The following CSNK1G1 variants were observed in gnomAD, a reference collection of about 807,000 sequenced individuals.
The protein encoded by CSNK1G1 is casein kinase I isoform gamma-1.
A neutral mutation model predicts 59.6 loss-of-function variants in CSNK1G1; 22 were observed. That is an observed-to-expected ratio of 0.37 (90% confidence interval 0.26 to 0.53). CSNK1G1 has a LOEUF of 0.53. Ranked by LOEUF, CSNK1G1 falls within the 20% of genes least tolerant of loss-of-function variation. CSNK1G1 has a pLI of 0.89. For synonymous variants in CSNK1G1, 179 were observed against 177.1 expected, an observed-to-expected ratio of 1.01 and a Z score of -0.08; for missense variants, 384 against 519.5, an observed-to-expected ratio of 0.74 and a Z score of 2.54.
chr15:64,313,489 C>A (rs1364595547), intron 1 of CSNK1G1, among the ~76,000 whole-genome samples: 1 of 152,106 alleles, frequency 6.6e-6, no homozygotes, highest in East Asian at 1.9e-4. Flanking sequence ...TCTCAGCAAA[C>A]TAACACAAGA....
At chr15:64,287,778 T>A (rs377408653) in intron 2 of CSNK1G1, among the ~76,000 whole-genome samples, 29 of 152,252 alleles carry the variant, frequency 1.9e-4, no homozygotes, top group East Asian at 1.5e-3. Flanking sequence ...GTTACCAGAA[T>A]ACACAAAAGT....
intron 1 of CSNK1G1, among the ~76,000 whole-genome samples, chr15:64,316,158 C>T (rs1270156636): frequency 6.6e-6 from 1 of 151,944 alleles, no homozygotes; most frequent in Non-Finnish European, 1.5e-5. Flanking sequence ...TCTCAAAGCA[C>T]TGGGATTAAA....
intron 6 of CSNK1G1, among the ~76,000 whole-genome samples, chr15:64,211,554 T>C (rs1480802890): frequency 6.6e-6 from 1 of 152,278 alleles, no homozygotes; most frequent in South Asian, 2.1e-4. Flanking sequence ...GCACAGTAGA[T>C]GCTTAAAACA....
Position 64,188,555 on chromosome 15 carries a change from A to C in CSNK1G1, c.1108-8101T>G. Reference sequence around the variant, plus strand: ...GGTGAAGCAACAGCAAGCAATAACAAAATCAAGTACATTCGTGTCCCTGTA... The same window carrying C: ...GGTGAAGCAACAGCAAGCAATAACACAATCAAGTACATTCGTGTCCCTGTA... On this transcript the variant is annotated intron_variant, in intron 10 of 11. Coordinates refer to ENST00000303052, the MANE Select transcript of CSNK1G1 (RefSeq NM_022048.5). This position sits in a 1 kb window ranked among gnomAD's most constrained non-coding sequence, Gnocchi z 4.2. 1 of 1,146,514 alleles carries C rather than the reference A, an allele frequency of 8.7e-7. No homozygotes were observed. Among genetic ancestry groups the C allele is most frequent in the Non-Finnish European group, 1.3e-6 (1 of 797,294 alleles). 71.0% of individuals were successfully genotyped at this position (1,146,514 alleles called of 1,614,324 possible).
chr15:64,230,710 C>T (rs974497700), intron 4 of CSNK1G1, among the ~76,000 whole-genome samples: 6 of 152,170 alleles, frequency 3.9e-5, no homozygotes, highest in East Asian at 1.9e-4. Context: ...CAGTGGCTCA[C>T]GCCTGTAATC....
intron 4 of CSNK1G1, among the ~76,000 whole-genome samples, chr15:64,242,715 T>C (rs963964452): frequency 3.9e-5 from 6 of 152,168 alleles, no homozygotes; most frequent in African/African-American, 1.4e-4. Context: ...AGGAGAAAAT[T>C]CTTCCAAACT....
At chr15:64,290,957 G>A (rs1235329452) in intron 2 of CSNK1G1, among the ~76,000 whole-genome samples, 4 of 152,096 alleles carry the variant, frequency 2.6e-5, no homozygotes, top group Admixed American at 6.5e-5. Context: ...CAGATGATCT[G>A]TCTGCTTTGG....
chr15:64,224,394 T>A (rs2082429439), intron 4 of CSNK1G1, among the ~76,000 whole-genome samples: 1 of 152,018 alleles, frequency 6.6e-6, no homozygotes, highest in Admixed American at 6.5e-5. Flanking sequence ...GGCAGATAAA[T>A]GAGATGTTAT....
At position 64,171,159 on chromosome 15, in the gene CSNK1G1, GTTTTTT is replaced by G. The variant is rs553594662; in HGVS notation, c.*766_*771del. 2 of 151,340 alleles carry G rather than the reference GTTTTTT, an allele frequency of 1.3e-5. No homozygotes were observed. The highest frequency in any genetic ancestry group is 4.9e-5 in the African/African-American group (2 of 40,946). 9.4% of individuals were successfully genotyped at this position (151,340 alleles called of 1,614,324 possible). On this transcript the variant is annotated 3_prime_UTR_variant, in exon 12 of 12. Coordinates refer to ENST00000303052, the MANE Select transcript of CSNK1G1 (RefSeq NM_022048.5). This position sits in a 1 kb window ranked among gnomAD's most constrained non-coding sequence, Gnocchi z 4.8. Reference sequence around the variant, plus strand: ...ATGCATCTGCCATGTTTTTGTTTTTGTTTTTTTTAAAAAAACTAAAAGTGCAACAAA... The same window carrying G: ...ATGCATCTGCCATGTTTTTGTTTTTGTTAAAAAAACTAAAAGTGCAACAAA...
chr15:64,227,067 T>C (rs2082472570), intron 4 of CSNK1G1, among the ~76,000 whole-genome samples: 1 of 152,214 alleles, frequency 6.6e-6, no homozygotes, highest in Non-Finnish European at 1.5e-5. Flanking sequence ...TTAAAATAAG[T>C]ACTAAGTAAA....
At chr15:64,278,828 C>T (rs1351715348) in intron 2 of CSNK1G1, among the ~76,000 whole-genome samples, 1 of 152,142 alleles carries the variant, frequency 6.6e-6, no homozygotes, top group Non-Finnish European at 1.5e-5. Flanking sequence ...TGCAACTACA[C>T]CCCACATCTA....
intron 2 of CSNK1G1, among the ~76,000 whole-genome samples, chr15:64,275,730 T>C (rs1479980138): frequency 6.6e-6 from 1 of 152,064 alleles, no homozygotes; most frequent in African/African-American, 2.4e-5. Flanking sequence ...TTTTAAAGAA[T>C]GTCTTGACCA....
At chr15:64,185,246 G>A (rs192489986) in intron 10 of CSNK1G1, among the ~76,000 whole-genome samples, 1 of 152,290 alleles carries the variant, frequency 6.6e-6, no homozygotes, top group Non-Finnish European at 1.5e-5. Context: ...CATGGTGTCT[G>A]CAAGTCACCC....
Position 64,216,474 on chromosome 15 carries a change from T to A in CSNK1G1, c.444+88A>T. 7.6e-7 allele frequency: 1 copy of A among 1,320,760 alleles called. No homozygotes were observed. The highest frequency in any genetic ancestry group is 1.3e-5 in the South Asian group (1 of 75,804). The allele number at this position is 1,320,760 out of a possible 1,614,324, so 81.8% of individuals were successfully genotyped here. A position where few individuals can be genotyped will look rare whatever the true frequency, so the allele number is the denominator to read the frequency against. On this transcript the variant is annotated intron_variant, in intron 5 of 11. Transcript: ENST00000303052. This position sits in a 1 kb window ranked among gnomAD's most constrained non-coding sequence, Gnocchi z 4.6. ...CTGTGAGTACTAATTCTTGATGTGT[T>A]GCTACGGCTAGTAAATCACCAAAAG...
At chr15:64,311,603 T>C (rs1466263156) in intron 1 of CSNK1G1, among the ~76,000 whole-genome samples, 2 of 145,762 alleles carry the variant, frequency 1.4e-5, no homozygotes, top group Non-Finnish European at 3.0e-5. Context: ...ACATGCATGA[T>C]GACCACGCCT....
chr15:64,296,301 T>G (rs1391148825), intron 2 of CSNK1G1, among the ~76,000 whole-genome samples: 1 of 152,088 alleles, frequency 6.6e-6, no homozygotes, highest in Non-Finnish European at 1.5e-5. Context: ...TTGTATTTTT[T>G]GTAGAGACGA....
intron 1 of CSNK1G1, among the ~76,000 whole-genome samples, chr15:64,319,275 G>A (rs971168750): frequency 1.3e-5 from 2 of 152,146 alleles, no homozygotes; most frequent in African/African-American, 4.8e-5. Flanking sequence ...AGTCTCACAT[G>A]TTAGACTTTG....
chr15:64,341,521 G>A (rs527408714), intron 1 of CSNK1G1, among the ~76,000 whole-genome samples: 2 of 152,290 alleles, frequency 1.3e-5, no homozygotes, highest in Admixed American at 6.5e-5. Flanking sequence ...CACTCAGGCT[G>A]GAGTGTAGTG....
intron 4 of CSNK1G1, among the ~76,000 whole-genome samples, chr15:64,226,374 A>G (rs2082461362): frequency 6.6e-6 from 1 of 152,076 alleles, no homozygotes; most frequent in Non-Finnish European, 1.5e-5. Flanking sequence ...CTTGGTCAAC[A>G]TGGAGAAACC....
Sources: gnomAD v4.1 joint callset for allele counts (sites outside exome capture counted in the v4.1 genomes callset) on GRCh38, gnomAD v4.1.1 for gene constraint, Gnocchi (gnomAD v3.1) non-coding constraint, MANE v1.5 for transcripts, NCBI Gene and HGNC (gene_info 2026-07-23, HGNC 2026-07-21) for gene names.